The following ERBB4 variants were observed in gnomAD, a reference collection of about 807,000 sequenced individuals.
ERBB4 encodes the protein erb-b2 receptor tyrosine kinase 4.
Under a neutral mutation model 158.0 loss-of-function variants are expected in ERBB4, and 42 were observed. That is an observed-to-expected ratio of 0.27 (90% CI 0.21 to 0.34). The LOEUF (loss-of-function observed/expected upper bound fraction) is 0.34, where lower values mean the gene tolerates loss of function less well. Among genes scored for constraint, ERBB4 ranks in the 10% least tolerant of loss-of-function variants. The probability of loss-of-function intolerance (pLI) is 1.00; values close to 1 mark genes in which losing one functional copy is unlikely to be tolerated. For missense variants in ERBB4, 1,333 were observed against 1,624.1 expected, an observed-to-expected ratio of 0.82 and a Z score of 3.08; for synonymous variants, 583 against 558.7, an observed-to-expected ratio of 1.04 and a Z score of -0.61.
chr2:211,637,004 G>T (rs2070387369), intron 16 of ERBB4, among the ~76,000 whole-genome samples: 1 of 151,860 alleles, frequency 6.6e-6, no homozygotes, highest in South Asian at 2.1e-4. Context: ...TGCATTTTAT[G>T]AATGTATATG....
chr2:212,202,811 T>A (rs991161484), intron 1 of ERBB4, among the ~76,000 whole-genome samples: 3 of 152,062 alleles, frequency 2.0e-5, no homozygotes, highest in Non-Finnish European at 1.5e-5. Flanking sequence ...GGAGCAACCA[T>A]ATGTTTTTTA....
chr2:212,330,610 C>G (rs565614719), intron 1 of ERBB4, among the ~76,000 whole-genome samples: 7 of 151,990 alleles, frequency 4.6e-5, no homozygotes, highest in Admixed American at 2.0e-4. Context: ...AAGACTCTGT[C>G]TCAAAAACAA....
At chr2:211,790,468 T>C (rs2076255476) in intron 3 of ERBB4, among the ~76,000 whole-genome samples, 1 of 152,086 alleles carries the variant, frequency 6.6e-6, no homozygotes, top group Non-Finnish European at 1.5e-5. Flanking sequence ...AGAATCAGAT[T>C]ATATTATACT....
intron 2 of ERBB4, among the ~76,000 whole-genome samples, chr2:212,087,601 G>A (rs2078654981): frequency 6.6e-6 from 1 of 152,064 alleles, no homozygotes; most frequent in African/African-American, 2.4e-5. Flanking sequence ...GTCCAAACCA[G>A]CTTGAGAGGT....
At chr2:212,062,396 A>ATTTTTTTTTTTTTTTTTTTTTTTTT (rs1559419685) in intron 2 of ERBB4, among the ~76,000 whole-genome samples, 1 of 96,522 alleles carries the variant, frequency 1.0e-5, no homozygotes, top group Non-Finnish European at 2.0e-5. Flanking sequence ...TCACTTGTCA[A>ATTTTTTTTTTTTTTTTTTTTTTTTT]TTCTTTTTTT....
At chr2:212,390,882 T>C (rs1003547756) in intron 1 of ERBB4, among the ~76,000 whole-genome samples, 5 of 151,898 alleles carry the variant, frequency 3.3e-5, no homozygotes, top group African/African-American at 7.2e-5. Context: ...CACAGTTTTA[T>C]TGTGAATATT....
chr2:211,448,811 T>A (rs7601019), intron 20 of ERBB4, among the ~76,000 whole-genome samples: 31,754 of 152,076 alleles, frequency 0.21, 3,880 homozygotes, highest in East Asian at 0.41. Context: ...AGGTCATGCA[T>A]CTTCTTTCTA....
chr2:212,153,572 C>A (rs1373994289), intron 1 of ERBB4, among the ~76,000 whole-genome samples: 3 of 152,132 alleles, frequency 2.0e-5, no homozygotes, highest in Non-Finnish European at 2.9e-5. Context: ...ATAGCCAACA[C>A]CGCATATTGT....
At chr2:211,761,041 A>G (rs947172910) in intron 4 of ERBB4, among the ~76,000 whole-genome samples, 1 of 152,028 alleles carries the variant, frequency 6.6e-6, no homozygotes, top group Non-Finnish European at 1.5e-5. Context: ...CTAAAAATAC[A>G]AAAATTAACT....
At chr2:211,944,039 G>A (rs1428761180) in intron 3 of ERBB4, among the ~76,000 whole-genome samples, 2 of 146,424 alleles carry the variant, frequency 1.4e-5, no homozygotes, top group Admixed American at 1.4e-4. Flanking sequence ...AAAGATTTAA[G>A]TAGAAACGCA....
rs558363909 is a variant in ERBB4 at position 211,661,869 on chromosome 2, C to A, written c.1871+3454G>T. 4.3e-3 allele frequency among the ~76,000 whole-genome samples: 648 copies of A among 149,716 alleles called. 3 individuals carry two copies. Among genetic ancestry groups the A allele is most frequent in the African/African-American group, 0.015 (611 of 40,952 alleles). ...CCCGGCTAAAACGGTGAAACCCCGT[C>A]TCTACTAAAAATACAAAAAATTAGC... is the stretch of plus-strand genomic sequence containing the variant. On this transcript the variant is annotated intron_variant, in intron 15 of 27. Transcript: ENST00000342788.
intron 3 of ERBB4, among the ~76,000 whole-genome samples, chr2:211,802,332 T>C (rs1192315263): frequency 6.6e-6 from 1 of 152,008 alleles, no homozygotes; most frequent in African/African-American, 2.4e-5. Context: ...AATAGTGTCC[T>C]CAGTTCTAAT....
intron 1 of ERBB4, among the ~76,000 whole-genome samples, chr2:212,299,742 G>A (rs1179139059): frequency 6.6e-6 from 1 of 151,588 alleles, no homozygotes; most frequent in African/African-American, 2.4e-5. Context: ...AATGAGCAGC[G>A]ATAGCCAACC....
chr2:211,821,776 A>C (rs1424784088), intron 3 of ERBB4, among the ~76,000 whole-genome samples: 1 of 151,978 alleles, frequency 6.6e-6, no homozygotes. Context: ...TTGTTTAACA[A>C]ATGGCGCTAG....
chr2:211,569,272 C>T (rs1201442492), intron 19 of ERBB4, among the ~76,000 whole-genome samples: 1 of 152,182 alleles, frequency 6.6e-6, no homozygotes, highest in Non-Finnish European at 1.5e-5. Flanking sequence ...TCTGTTTTCC[C>T]TCTTTTTTCT....
intron 3 of ERBB4, among the ~76,000 whole-genome samples, chr2:211,816,461 A>T (rs140903228): frequency 9.3e-4 from 139 of 149,898 alleles, no homozygotes; most frequent in Non-Finnish European, 1.6e-3. Flanking sequence ...GAATTACTTG[A>T]ATCCAGGAGG....
chr2:211,701,545 A>T (rs1280006243), intron 12 of ERBB4, among the ~76,000 whole-genome samples: 1 of 151,900 alleles, frequency 6.6e-6, no homozygotes, highest in Non-Finnish European at 1.5e-5. Flanking sequence ...TCACGAGGTC[A>T]GGAAATCGGG....
chr2:211,898,160 A>G (rs1257864057), intron 3 of ERBB4, among the ~76,000 whole-genome samples: 2 of 152,048 alleles, frequency 1.3e-5, no homozygotes, highest in Non-Finnish European at 2.9e-5. Context: ...AGCCTAAAAA[A>G]GATATTATAA....
At chr2:211,768,988 T>C (rs2075625785) in intron 4 of ERBB4, among the ~76,000 whole-genome samples, 1 of 152,214 alleles carries the variant, frequency 6.6e-6, no homozygotes, top group African/African-American at 2.4e-5. Context: ...TAAACATAAG[T>C]TCAAATTCCA....
Sources: allele counts gnomAD v4.1 joint callset (sites outside exome capture counted in the v4.1 genomes callset), GRCh38; gene constraint gnomAD v4.1.1; transcripts MANE v1.5; gene names NCBI Gene and HGNC (gene_info 2026-07-23, HGNC 2026-07-21).